Variants in GABRA5 observed in about 807,000 individuals in gnomAD.
GABRA5 encodes the protein gamma-aminobutyric acid receptor subunit alpha-5.
In GABRA5, 18 loss-of-function variants were observed where a neutral mutation model predicts 47.3. That is an observed-to-expected ratio of 0.38 (90% CI 0.26 to 0.56). The LOEUF (loss-of-function observed/expected upper bound fraction) is 0.56. Among genes scored for constraint, GABRA5 ranks in the 20% least tolerant of loss-of-function variants. GABRA5 has a pLI of 0.71. For synonymous variants in GABRA5, 237 were observed against 229.3 expected, an observed-to-expected ratio of 1.03 and a Z score of -0.30; for missense variants, 365 against 599.3, an observed-to-expected ratio of 0.61 and a Z score of 4.08.
chr15:26,887,950 A>G (rs139663194), intron 6 of GABRA5, among the ~76,000 whole-genome samples: 135 of 152,272 alleles, frequency 8.9e-4, no homozygotes, highest in African/African-American at 3.1e-3. Context: ...TTGAAAATAC[A>G]CAATAAATTA....
At chr15:26,895,061 A>G (rs1213655739) in intron 6 of GABRA5, among the ~76,000 whole-genome samples, 1 of 151,594 alleles carries the variant, frequency 6.6e-6, no homozygotes, top group African/African-American at 2.4e-5. Flanking sequence ...TCTGCTAACC[A>G]GCTGGTTTTA....
chr15:26,886,191 T>C (rs1320046657), intron 6 of GABRA5, among the ~76,000 whole-genome samples: 1 of 151,978 alleles, frequency 6.6e-6, no homozygotes, highest in Non-Finnish European at 1.5e-5. Flanking sequence ...GGCTGATTTT[T>C]GTATTTTTAG....
At chr15:26,930,795 A>G (rs1379522049) in intron 7 of GABRA5, among the ~76,000 whole-genome samples, 1 of 151,768 alleles carries the variant, frequency 6.6e-6, no homozygotes, top group East Asian at 1.9e-4. Context: ...AGCCACTTCC[A>G]CATTTCAAGG....
At chr15:26,913,813 A>G (rs1893656956) in intron 6 of GABRA5, among the ~76,000 whole-genome samples, 1 of 152,144 alleles carries the variant, frequency 6.6e-6, no homozygotes, top group South Asian at 2.1e-4. Context: ...CTGGCTTCCT[A>G]CACAACAGAG....
intron 7 of GABRA5, among the ~76,000 whole-genome samples, chr15:26,933,050 G>T (rs923184274): frequency 6.0e-5 from 9 of 151,160 alleles, no homozygotes; most frequent in African/African-American, 2.2e-4. Flanking sequence ...CATGGCACAT[G>T]TTTGCCTATG....
intron 6 of GABRA5, among the ~76,000 whole-genome samples, chr15:26,896,088 C>G (rs1446901107): frequency 1.3e-5 from 2 of 152,244 alleles, no homozygotes; most frequent in South Asian, 2.1e-4. Context: ...GCTGGGCAAC[C>G]GCTGACCGCT....
chr15:26,929,072 G>A (rs965209470), intron 7 of GABRA5, among the ~76,000 whole-genome samples: 1 of 152,028 alleles, frequency 6.6e-6, no homozygotes, highest in Non-Finnish European at 1.5e-5. Context: ...TTCTTCCCCT[G>A]GACACCCAGC....
At chr15:26,937,069 C>T in intron 7 of GABRA5, 116 bp from the exon 8 acceptor site, 1 of 1,310,970 alleles carries the variant, frequency 7.6e-7, no homozygotes, top group Non-Finnish European at 1.1e-6. Context: ...GGTCATGGAA[C>T]CTTGACTTTT....
At position 26,940,001 on chromosome 15, in the gene GABRA5, C is replaced by T; in HGVS notation, c.801C>T (p.Pro267=). 6.2e-7 allele frequency: 1 copy of T among 1,613,962 alleles called. No homozygotes were observed. The highest frequency in any genetic ancestry group is 1.6e-4 in the Middle Eastern group (1 of 6,062). ...ACTTTGTCATCCAGACCTACCTTCCCTGCATAATGACCGTGATCTTATCAC... is the reference window on the plus strand; with the variant it reads ...ACTTTGTCATCCAGACCTACCTTCCTTGCATAATGACCGTGATCTTATCAC... The part of the protein sequence containing the change: ...IGYFVIQTYL[P]CIMTVILSQV... The change falls in exon 9 of 11, where the codon CCC becomes CCT. Residue 267 remains proline, a synonymous_variant. Transcript: ENST00000335625.
At position 26,915,173 on chromosome 15, in the gene GABRA5, C is replaced by T. The variant is rs111880348; in HGVS notation, c.580+288C>T. Among the ~76,000 whole-genome samples the T allele has an allele frequency of 2.8e-3, 423 of 152,270 alleles. 5 individuals carry two copies. Among genetic ancestry groups the T allele is most frequent in the African/African-American group, 9.8e-3 (407 of 41,548 alleles). Reference sequence around the variant, plus strand: ...GGGGTGTTTCTCCTCAGATCTCAACCGGGCAGTTCTTTTTTGTTTTTGCAT... The same window carrying T: ...GGGGTGTTTCTCCTCAGATCTCAACTGGGCAGTTCTTTTTTGTTTTTGCAT... On this transcript the variant is annotated intron_variant, in intron 7 of 10. Coordinates refer to ENST00000335625, the MANE Select transcript of GABRA5 (RefSeq NM_000810.4).
At chr15:26,922,528 C>A (rs892007631) in intron 7 of GABRA5, among the ~76,000 whole-genome samples, 1 of 152,060 alleles carries the variant, frequency 6.6e-6, no homozygotes. Context: ...CAATATTTAT[C>A]TTTTAATTGA....
At chr15:26,884,166 G>A in intron 6 of GABRA5, among the ~76,000 whole-genome samples, 1 of 151,868 alleles carries the variant, frequency 6.6e-6, no homozygotes, top group South Asian at 2.1e-4. Context: ...TCCAGCCTGG[G>A]TGACAGAGTG....
At chr15:26,937,505 C>A (rs1338878622) in intron 8 of GABRA5, among the ~76,000 whole-genome samples, 177 bp downstream of exon 8, 1 of 152,152 alleles carries the variant, frequency 6.6e-6, no homozygotes, top group Admixed American at 6.5e-5. Flanking sequence ...TGAGAGCTGG[C>A]CAAAGGAATC....
chr15:26,944,840 G>A (rs936916097), intron 10 of GABRA5, among the ~76,000 whole-genome samples: 4 of 152,120 alleles, frequency 2.6e-5, no homozygotes, highest in Admixed American at 6.5e-5. Flanking sequence ...GGGAGGAGCC[G>A]GAAGTCCCTG....
chr15:26,946,672 C>G (rs1894519734), intron 10 of GABRA5, among the ~76,000 whole-genome samples: 1 of 152,080 alleles, frequency 6.6e-6, no homozygotes, highest in African/African-American at 2.4e-5. Context: ...CATCACCAGC[C>G]TCCAGAAAGC....
intron 6 of GABRA5, among the ~76,000 whole-genome samples, chr15:26,901,940 G>A (rs1050763603): frequency 6.6e-6 from 1 of 151,936 alleles, no homozygotes; most frequent in Admixed American, 6.6e-5. Context: ...TTGCTCCTTT[G>A]TCAAATATCA....
chr15:26,869,480 G>A, intron 3 of GABRA5, 146 bp downstream of exon 3: 1 of 630,008 alleles, frequency 1.6e-6, no homozygotes, highest in Non-Finnish European at 2.9e-6. Flanking sequence ...AATAAATGAA[G>A]TCATTGCCCT....
intron 7 of GABRA5, among the ~76,000 whole-genome samples, chr15:26,922,466 A>C (rs564065991): frequency 6.6e-6 from 1 of 152,176 alleles, no homozygotes; most frequent in African/African-American, 2.4e-5. Context: ...TCATTAGATA[A>C]AAAGTGAGTT....
chr15:26,875,951 T>C (rs144542830), intron 3 of GABRA5, among the ~76,000 whole-genome samples: 28 of 152,226 alleles, frequency 1.8e-4, no homozygotes, highest in African/African-American at 6.3e-4. Flanking sequence ...GAGAGGGGGT[T>C]AACCCGAGAT....
Sources: allele counts gnomAD v4.1 joint callset (sites outside exome capture counted in the v4.1 genomes callset), GRCh38; gene constraint gnomAD v4.1.1; transcripts MANE v1.5; gene names NCBI Gene and HGNC (gene_info 2026-07-23, HGNC 2026-07-21).